The following MCTP1 variants were observed in gnomAD, a reference collection of about 807,000 sequenced individuals.
MCTP1 encodes multiple C2 and transmembrane domain containing 1.
MCTP1 carries 69 observed loss-of-function variants against 120.6 expected under a neutral mutation model. That is an observed-to-expected ratio of 0.57 (90% CI 0.47 to 0.70). The LOEUF is 0.70. Ranked by LOEUF, MCTP1 falls within the 30% of genes least tolerant of loss-of-function variation. MCTP1 has a pLI of 0.00. For missense variants in MCTP1, 1,203 were observed against 1,248.8 expected (o/e 0.96, Z 0.55); for synonymous variants, 529 against 493.1 (o/e 1.07, Z -0.96).
intron 1 of MCTP1, among the ~76,000 whole-genome samples, chr5:95,171,488 T>A (rs1747283429): frequency 1.3e-5 from 2 of 152,242 alleles, no homozygotes; most frequent in African/African-American, 4.8e-5. Context: ...TTCTCCTGGA[T>A]AATATCCTGC....
At chr5:95,139,448 G>A (rs1469275489) in intron 1 of MCTP1, among the ~76,000 whole-genome samples, 1 of 152,208 alleles carries the variant, frequency 6.6e-6, no homozygotes, top group Non-Finnish European at 1.5e-5. Context: ...GTGAGAGCAA[G>A]ATTTGCCTGT....
intron 1 of MCTP1, among the ~76,000 whole-genome samples, chr5:95,133,176 A>T (rs1302639289): frequency 2.6e-5 from 4 of 152,218 alleles, no homozygotes; most frequent in African/African-American, 9.6e-5. Flanking sequence ...ATATTGGTAT[A>T]ACTTTTGTAA....
intron 1 of MCTP1, among the ~76,000 whole-genome samples, chr5:95,247,798 G>GT (rs1306525784): frequency 2.0e-5 from 3 of 152,238 alleles, no homozygotes; most frequent in Middle Eastern, 3.4e-3. Context: ...GCTGAGGAGT[G>GT]TTTTACTTCC....
chr5:94,906,652 T>A (rs1007567071), intron 10 of MCTP1, among the ~76,000 whole-genome samples: 24 of 152,168 alleles, frequency 1.6e-4, no homozygotes, highest in African/African-American at 4.3e-4. Context: ...AAATATATTT[T>A]AAAAAATCAT....
intron 17 of MCTP1, among the ~76,000 whole-genome samples, chr5:94,805,567 G>A (rs1056047317): frequency 2.0e-5 from 3 of 152,122 alleles, no homozygotes; most frequent in East Asian, 1.9e-4. Flanking sequence ...GGTTGAGGCT[G>A]TAGTGAGCCG....
rs180676634 is a variant in MCTP1 at position 95,223,376 on chromosome 5, G to A, written c.720+60480C>T. 1.5e-3 allele frequency among the ~76,000 whole-genome samples: 229 copies of A among 152,098 alleles called. 2 individuals carry two copies. The highest frequency in any genetic ancestry group is 4.9e-3 in the African/African-American group (205 of 41,494). ...CTGAGTAGGGAGAATCACCTGAACCGGGAAGTCGAGGCTGCAGTGAGCCAC... is the reference window on the plus strand; with the variant it reads ...CTGAGTAGGGAGAATCACCTGAACCAGGAAGTCGAGGCTGCAGTGAGCCAC... On this transcript the variant is annotated intron_variant, in intron 1 of 22. Coordinates refer to ENST00000515393, the MANE Select transcript of MCTP1 (RefSeq NM_024717.7).
intron 1 of MCTP1, among the ~76,000 whole-genome samples, chr5:95,160,155 A>G (rs1745560539): frequency 6.6e-6 from 1 of 152,198 alleles, no homozygotes; most frequent in Non-Finnish European, 1.5e-5. Context: ...TTTGTAATCA[A>G]AGGAGTGATA....
intron 1 of MCTP1, among the ~76,000 whole-genome samples, chr5:95,121,637 A>G (rs925992468): frequency 1.3e-5 from 2 of 151,886 alleles, no homozygotes; most frequent in Admixed American, 6.6e-5. Flanking sequence ...TCATAGAAAT[A>G]GAAAAAAAAA....
At chr5:94,888,567 C>T (rs1801832267) in intron 12 of MCTP1, among the ~76,000 whole-genome samples, 1 of 152,178 alleles carries the variant, frequency 6.6e-6, no homozygotes, top group Non-Finnish European at 1.5e-5. Context: ...TTCTGTAAAG[C>T]ATTGGTTCAA....
chr5:95,007,436 A>G (rs1834988400), intron 2 of MCTP1, among the ~76,000 whole-genome samples: 1 of 152,200 alleles, frequency 6.6e-6, no homozygotes, highest in African/African-American at 2.4e-5. Flanking sequence ...GAGAATATAT[A>G]TGCAAATGCC....
At chr5:95,036,537 T>C (rs1157717242) in intron 1 of MCTP1, among the ~76,000 whole-genome samples, 3 of 152,130 alleles carry the variant, frequency 2.0e-5, no homozygotes, top group Admixed American at 6.6e-5. Flanking sequence ...TTCCCCTTTT[T>C]CCCCGCGGAT....
intron 1 of MCTP1, among the ~76,000 whole-genome samples, chr5:95,050,653 T>C (rs1438513715): frequency 2.0e-5 from 3 of 152,218 alleles, no homozygotes; most frequent in Non-Finnish European, 4.4e-5. Flanking sequence ...GATCTTCCCA[T>C]AAAGTTGCCA....
intron 2 of MCTP1, among the ~76,000 whole-genome samples, chr5:94,974,149 A>G (rs75312959): frequency 0.023 from 3,435 of 152,308 alleles, 88 homozygotes; most frequent in African/African-American, 0.066. Flanking sequence ...ATAAAGAACT[A>G]CAAACATATT....
chr5:94,948,652 A>T (rs1409226522), intron 3 of MCTP1, among the ~76,000 whole-genome samples: 2 of 152,146 alleles, frequency 1.3e-5, no homozygotes, highest in African/African-American at 4.8e-5. Flanking sequence ...TTAAATGTCC[A>T]GAAAAGTGGC....
intron 1 of MCTP1, among the ~76,000 whole-genome samples, chr5:95,029,653 G>A (rs748275988): frequency 1.3e-5 from 2 of 152,116 alleles, no homozygotes; most frequent in Non-Finnish European, 2.9e-5. Flanking sequence ...TCACCTCTCT[G>A]ACAATCTCCG....
In MCTP1 at chr5:94,772,065, G is replaced by A. The variant is rs139533052; in HGVS notation, c.2610+7045C>T. ...AGTTAGTTTGTGTTTTACTGATACCGTGCACCCTGTACTTTCCCAGTGGGT... is the reference window on the plus strand; with the variant it reads ...AGTTAGTTTGTGTTTTACTGATACCATGCACCCTGTACTTTCCCAGTGGGT... On this transcript the variant is annotated intron_variant, in intron 19 of 22. Transcript: ENST00000515393. Among the ~76,000 whole-genome samples, 445 of 152,144 alleles carry A rather than the reference G, an allele frequency of 2.9e-3. 1 individual carries two copies. The highest frequency in any genetic ancestry group is 0.01 in the African/African-American group (426 of 41,500).
chr5:95,188,700 T>C (rs190774681), intron 1 of MCTP1, among the ~76,000 whole-genome samples: 379 of 152,276 alleles, frequency 2.5e-3, no homozygotes, highest in Non-Finnish European at 4.1e-3. Flanking sequence ...GAGATGTATG[T>C]GGTTATTAAA....
chr5:94,862,171 A>G (rs1200572458), intron 17 of MCTP1, among the ~76,000 whole-genome samples: 5 of 151,864 alleles, frequency 3.3e-5, no homozygotes, highest in Non-Finnish European at 7.4e-5. Context: ...GCATTCTACT[A>G]CTTTCCACGT....
chr5:95,026,422 A>G (rs779174538), intron 1 of MCTP1, among the ~76,000 whole-genome samples: 2 of 151,892 alleles, frequency 1.3e-5, no homozygotes, highest in African/African-American at 2.4e-5. Context: ...GTACCCATTA[A>G]CCCTCCGCTC....
Sources: gnomAD v4.1 joint callset for allele counts (sites outside exome capture counted in the v4.1 genomes callset) on GRCh38, gnomAD v4.1.1 for gene constraint, MANE v1.5 for transcripts, NCBI Gene and HGNC (gene_info 2026-07-23, HGNC 2026-07-21) for gene names.